EYS: variants seen among roughly 807,000 people sequenced by gnomAD.
The protein encoded by EYS is EGF-like photoreceptor maintenance factor, also known as protein eyes shut homolog.
In EYS, 250 loss-of-function variants were observed where a neutral mutation model predicts 282.1. That is an observed-to-expected ratio of 0.89 (90% confidence interval 0.80 to 0.98). EYS has a LOEUF of 0.98. EYS is among the 50% of genes least tolerant of loss of function. EYS has a pLI of 0.00. For synonymous variants in EYS, 1,355 were observed against 1,282.9 expected (o/e 1.06, Z -1.20); for missense variants, 4,016 against 3,709.0 (o/e 1.08, Z -2.15).
intron 1 of EYS, among the ~76,000 whole-genome samples, chr6:65,675,086 A>G (rs752207179): frequency 6.6e-6 from 1 of 151,974 alleles, no homozygotes; most frequent in Non-Finnish European, 1.5e-5. Flanking sequence ...CCCCATGGTA[A>G]CTGCAAAGAA....
At chr6:64,847,693 A>G (rs562460616) in intron 19 of EYS, among the ~76,000 whole-genome samples, 1 of 152,118 alleles carries the variant, frequency 6.6e-6, no homozygotes, top group East Asian at 1.9e-4. Flanking sequence ...AACCCCTACC[A>G]TGTCTATTTA....
intron 18 of EYS, among the ~76,000 whole-genome samples, chr6:64,900,278 C>T (rs776374684): frequency 6.6e-6 from 1 of 152,122 alleles, no homozygotes; most frequent in Non-Finnish European, 1.5e-5. Context: ...CATAAAAACT[C>T]TAGAAGAAAA....
intron 30 of EYS, among the ~76,000 whole-genome samples, chr6:64,297,040 C>T (rs1027658406): frequency 5.9e-5 from 9 of 152,210 alleles, no homozygotes; most frequent in African/African-American, 1.4e-4. Context: ...CATGCACACA[C>T]GTCCCACTTC....
At chr6:63,732,841 T>C (rs900975918) in intron 41 of EYS, among the ~76,000 whole-genome samples, 30 of 152,232 alleles carry the variant, frequency 2.0e-4, no homozygotes, top group Non-Finnish European at 4.4e-5. Context: ...ATTTGTGCTG[T>C]CATCCTTGTG....
chr6:65,663,744 C>T (rs747771703), intron 1 of EYS, among the ~76,000 whole-genome samples: 1 of 152,112 alleles, frequency 6.6e-6, no homozygotes, highest in Non-Finnish European at 1.5e-5. Flanking sequence ...TGCAGTGGCA[C>T]GATCTCAGCT....
intron 30 of EYS, among the ~76,000 whole-genome samples, chr6:64,235,733 A>G (rs1766582949): frequency 6.6e-6 from 1 of 152,170 alleles, no homozygotes; most frequent in African/African-American, 2.4e-5. Flanking sequence ...CAATTTCTCC[A>G]TATCCTCTCC....
intron 13 of EYS, among the ~76,000 whole-genome samples, chr6:64,997,971 A>G (rs1356601557): frequency 6.6e-6 from 1 of 152,184 alleles, no homozygotes; most frequent in Non-Finnish European, 1.5e-5. Flanking sequence ...GCAAAGCAAC[A>G]ATGAAAATAT....
chr6:64,261,795 T>G (rs1488194895), intron 30 of EYS, among the ~76,000 whole-genome samples: 1 of 151,888 alleles, frequency 6.6e-6, no homozygotes, highest in African/African-American at 2.4e-5. Context: ...TTGTTTTTTT[T>G]TTTTCTTTTT....
chr6:65,344,571 A>T (rs1185761993), intron 9 of EYS, among the ~76,000 whole-genome samples: 1 of 151,646 alleles, frequency 6.6e-6, no homozygotes, highest in Non-Finnish European at 1.5e-5. Flanking sequence ...TATTCAAGAG[A>T]ATGTGACCTA....
chr6:65,349,304 C>A (rs1770513735), intron 9 of EYS, among the ~76,000 whole-genome samples: 1 of 151,486 alleles, frequency 6.6e-6, no homozygotes, highest in Non-Finnish European at 1.5e-5. Flanking sequence ...CCAAACAATG[C>A]ACTTTTGCAG....
At chr6:64,455,286 T>C (rs536282056) in intron 26 of EYS, among the ~76,000 whole-genome samples, 1 of 152,126 alleles carries the variant, frequency 6.6e-6, no homozygotes, top group African/African-American at 2.4e-5. Context: ...ATTCTTAAAA[T>C]AGTTTACTAG....
At chr6:65,143,745 T>C (rs1296878819) in intron 12 of EYS, among the ~76,000 whole-genome samples, 1 of 152,090 alleles carries the variant, frequency 6.6e-6, no homozygotes, top group Non-Finnish European at 1.5e-5. Context: ...TGGATTCATC[T>C]ACCACAGTAT....
intron 31 of EYS, among the ~76,000 whole-genome samples, chr6:64,210,851 G>C (rs1765744157): frequency 6.6e-6 from 1 of 152,074 alleles, no homozygotes; most frequent in Admixed American, 6.6e-5. Context: ...CTGGCTGAGG[G>C]CCTGCGTATA....
At position 63,732,677 on chromosome 6, in the gene EYS, T is replaced by G. The variant is rs1768811074; in HGVS notation, c.8072-5997A>C. 2.0e-5 allele frequency among the ~76,000 whole-genome samples: 3 copies of G among 152,328 alleles called. No homozygotes were observed. In the South Asian group the frequency reaches 6.2e-4, roughly 32 times the overall value. On this transcript the variant is annotated intron_variant, in intron 41 of 42. Transcript: ENST00000503581. Reference sequence around the variant, plus strand: ...TCTGAAACCGTAAATTAATATTTCCTGATTGGCTATCCATCTTTTAGATTT... The same window carrying G: ...TCTGAAACCGTAAATTAATATTTCCGGATTGGCTATCCATCTTTTAGATTT...
At chr6:64,012,007 C>G (rs1229730708) in intron 33 of EYS, among the ~76,000 whole-genome samples, 1 of 150,370 alleles carries the variant, frequency 6.7e-6, no homozygotes, top group Admixed American at 6.6e-5. Context: ...CTCTCCTCTC[C>G]TCTCCTCTCC....
intron 12 of EYS, among the ~76,000 whole-genome samples, chr6:65,159,552 C>T (rs756888511): frequency 2.7e-5 from 4 of 150,758 alleles, no homozygotes; most frequent in Non-Finnish European, 4.5e-5. Context: ...AATAGCTCTT[C>T]GTTTTCAGTT....
At chr6:65,619,648 G>A (rs1766386536) in intron 2 of EYS, among the ~76,000 whole-genome samples, 1 of 151,706 alleles carries the variant, frequency 6.6e-6, no homozygotes, top group African/African-American at 2.4e-5. Context: ...CAAAGGGAAT[G>A]CTTCCAGTTT....
intron 19 of EYS, among the ~76,000 whole-genome samples, chr6:64,855,915 T>G (rs1171506915): frequency 2.0e-5 from 3 of 152,240 alleles, no homozygotes; most frequent in Non-Finnish European, 4.4e-5. Flanking sequence ...ATGCATTTAA[T>G]GTAGCTCCAG....
intron 22 of EYS, among the ~76,000 whole-genome samples, chr6:64,768,252 G>A (rs967768564): frequency 6.6e-6 from 1 of 151,952 alleles, no homozygotes; most frequent in Non-Finnish European, 1.5e-5. Flanking sequence ...ATTCTGCAAA[G>A]TATTTATTAA....
Sources: gnomAD v4.1 joint callset for allele counts (sites outside exome capture counted in the v4.1 genomes callset) on GRCh38, gnomAD v4.1.1 for gene constraint, MANE v1.5 for transcripts, NCBI Gene and HGNC (gene_info 2026-07-23, HGNC 2026-07-21) for gene names.